Variants in TP63 observed in about 807,000 individuals in gnomAD.
TP63 encodes the protein tumor protein p63.
A neutral mutation model predicts 82.8 loss-of-function variants in TP63; 17 were observed. That is an observed-to-expected ratio of 0.21 (90% CI 0.14 to 0.31). The LOEUF (loss-of-function observed/expected upper bound fraction) is 0.31. Ranked by LOEUF, TP63 falls within the 10% of genes least tolerant of loss-of-function variation. The pLI, the probability that TP63 is intolerant of heterozygous loss-of-function variation, is 1.00. For missense variants in TP63, 648 were observed against 895.3 expected (o/e 0.72, Z 3.52); for synonymous variants, 330 against 321.7 (o/e 1.03, Z -0.28).
chr3:189,679,417 A>C (rs1715720520), intron 1 of TP63, among the ~76,000 whole-genome samples: 1 of 152,030 alleles, frequency 6.6e-6, no homozygotes, highest in African/African-American at 2.4e-5. Context: ...CCTAGTCATC[A>C]TTTGTAAGAC....
chr3:189,599,096 A>C, the TP63 span, among the ~76,000 whole-genome samples: 8 of 152,112 alleles, frequency 5.3e-5, no homozygotes, highest in African/African-American at 1.9e-4. Context: ...TTCACTCTTA[A>C]AGTTTGTAAC....
At chr3:189,859,060 G>A (rs2108783416) in intron 4 of TP63, among the ~76,000 whole-genome samples, 1 of 152,222 alleles carries the variant, frequency 6.6e-6, no homozygotes, top group South Asian at 2.1e-4. Context: ...TTGCACAGTA[G>A]GATGACTATA....
Position 189,682,540 on chromosome 3 carries a change from A to G in TP63, c.62+50963A>G, listed in dbSNP as rs1410738706. 1.8e-3 allele frequency among the ~76,000 whole-genome samples: 19 copies of G among 10,718 alleles called. 1 individual carries two copies. Among genetic ancestry groups the G allele is most frequent in the Non-Finnish European group, 3.0e-3 (13 of 4,308 alleles). The allele number at this position is 10,718 out of a possible 152,430, so 7.0% of individuals were successfully genotyped here. On this transcript the variant is annotated intron_variant, in intron 1 of 13. Transcript: ENST00000264731. ...CCTGGGACTTGGTCCTAAGGGGAAA[A>G]AAAAAAAAAAAAAATATATATATAT...
At chr3:189,780,046 T>C (rs1724109119) in intron 3 of TP63, among the ~76,000 whole-genome samples, 1 of 151,940 alleles carries the variant, frequency 6.6e-6, no homozygotes. Flanking sequence ...ACTGACTGCC[T>C]AGAAAAGACA....
chr3:189,752,827 C>T (rs1241186693), intron 3 of TP63, among the ~76,000 whole-genome samples: 1 of 152,036 alleles, frequency 6.6e-6, no homozygotes, highest in Non-Finnish European at 1.5e-5. Context: ...TAGCTGCATA[C>T]AATACGTTTT....
intron 3 of TP63, among the ~76,000 whole-genome samples, chr3:189,779,939 T>A (rs1488919818): frequency 6.6e-6 from 1 of 152,194 alleles, no homozygotes; most frequent in East Asian, 1.9e-4. Context: ...TCTATTTCAG[T>A]GTGGGATTCA....
chr3:189,610,250 A>C, the TP63 span, among the ~76,000 whole-genome samples: 1 of 151,988 alleles, frequency 6.6e-6, no homozygotes, highest in African/African-American at 2.4e-5. Context: ...AAATTTTTTT[A>C]AGTTTCTTAT....
At chr3:189,703,442 A>AGATAGATAGATAGATAGAT (rs1717967973) in intron 1 of TP63, among the ~76,000 whole-genome samples, 1 of 151,844 alleles carries the variant, frequency 6.6e-6, no homozygotes, top group Non-Finnish European at 1.5e-5. Flanking sequence ...ATAGATAGAT[A>AGATAGATAGATAGATAGAT]GATAGATAGA....
intron 1 of TP63, among the ~76,000 whole-genome samples, chr3:189,720,491 T>C (rs569277431): frequency 6.6e-6 from 1 of 151,908 alleles, no homozygotes. Flanking sequence ...TCCCAGCACT[T>C]TGGGAGGCTG....
At chr3:189,761,636 T>C (rs1292241852) in intron 3 of TP63, among the ~76,000 whole-genome samples, 2 of 152,242 alleles carry the variant, frequency 1.3e-5, no homozygotes, top group Non-Finnish European at 2.9e-5. Context: ...GTTCAACCTC[T>C]GCCCGTTACC....
At chr3:189,824,196 T>C (rs76973772) in intron 4 of TP63, among the ~76,000 whole-genome samples, 6,740 of 151,850 alleles carry the variant, frequency 0.044, 194 homozygotes, top group Non-Finnish European at 0.067. Flanking sequence ...GTAGGACTGT[T>C]TTATTTATTT....
chr3:189,780,972 AC>A (rs1448667575), intron 3 of TP63, among the ~76,000 whole-genome samples: 1 of 152,198 alleles, frequency 6.6e-6, no homozygotes, highest in East Asian at 1.9e-4. Flanking sequence ...GCCAAAACAG[AC>A]ATTATCAAAG....
chr3:189,623,946 T>C, the TP63 span, among the ~76,000 whole-genome samples: 1 of 152,122 alleles, frequency 6.6e-6, no homozygotes, highest in African/African-American at 2.4e-5. Context: ...TAAATAAATA[T>C]AAGTCCTCTT....
rs190317178 is a variant in TP63 at position 189,740,585 on chromosome 3, C to T, written c.324+1811C>T. Among the ~76,000 whole-genome samples the T allele has an allele frequency of 1.8e-3, 271 of 152,138 alleles. 1 individual carries two copies. The highest frequency in any genetic ancestry group is 3.7e-3 in the South Asian group (18 of 4,820). ...CGCAATCTAGGCTCACTGCAACCTC[C>T]GCCTCCTGGGTTCAAGCGATTCTCC... On this transcript the variant is annotated intron_variant, in intron 3 of 13. Transcript: ENST00000264731.
chr3:189,886,423 G>T lies in TP63; in HGVS notation c.1379G>T (p.Gly460Val). The change falls in exon 11 of 14, where the codon GGT (glycine) becomes GTT (valine). Residue 460 changes from glycine (G) to valine (V), a missense_variant. Gly to Val is a moderately radical substitution (Grantham distance 109, BLOSUM62 -3). Coordinates refer to ENST00000264731, the MANE Select transcript of TP63 (RefSeq NM_003722.5). ...TCAATACAGTCTCCATCTTCATATGGTAACAGCTCCCCACCTCTGAACAAA... is the reference window on the plus strand; with the variant it reads ...TCAATACAGTCTCCATCTTCATATGTTAACAGCTCCCCACCTCTGAACAAA... The part of the protein sequence containing the change: ...QTSIQSPSSY[G>V]NSSPPLNKMN... 6.2e-7 allele frequency: 1 copy of T among 1,613,958 alleles called. No homozygotes were observed. Among genetic ancestry groups the T allele is most frequent in the Non-Finnish European group, 8.5e-7 (1 of 1,179,960 alleles).
intron 4 of TP63, among the ~76,000 whole-genome samples, chr3:189,816,107 G>A (rs535343654): frequency 6.6e-6 from 1 of 152,266 alleles, no homozygotes; most frequent in African/African-American, 2.4e-5. Context: ...AAAGAGCTTT[G>A]AGATTTAAAG....
At chr3:189,816,642 C>T (rs775824764) in intron 4 of TP63, among the ~76,000 whole-genome samples, 11 of 152,064 alleles carry the variant, frequency 7.2e-5, no homozygotes, top group Admixed American at 3.9e-4. Context: ...CAACAACTTC[C>T]AATTCTTCAA....
chr3:189,835,207 G>T (rs557698945), intron 4 of TP63, among the ~76,000 whole-genome samples: 1 of 152,056 alleles, frequency 6.6e-6, no homozygotes, highest in Non-Finnish European at 1.5e-5. Flanking sequence ...ACTAGATGGA[G>T]GGTCTAGTTA....
chr3:189,886,566 T>C lies in TP63; in HGVS notation c.1507+15T>C, dbSNP rs1286298368. The C allele has an allele frequency of 1.2e-6, 2 of 1,613,688 alleles. No individual in the cohort carries two copies. The highest frequency in any genetic ancestry group is 1.7e-5 in the Admixed American group (1 of 60,016). ...GGGAGCCAACAGTAAGAGCATCTCC[T>C]TTTAGCTGTGGCTGAAGGATGAACA... On this transcript the variant is annotated intron_variant, in intron 11 of 13. Coordinates refer to ENST00000264731, the MANE Select transcript of TP63 (RefSeq NM_003722.5).
Sources: allele counts gnomAD v4.1 joint callset (sites outside exome capture counted in the v4.1 genomes callset), GRCh38; gene constraint gnomAD v4.1.1; transcripts MANE v1.5; gene names NCBI Gene and HGNC (gene_info 2026-07-23, HGNC 2026-07-21).